The following ZNF423 variants were observed in gnomAD, a reference collection of about 807,000 sequenced individuals.
ZNF423 encodes the protein zinc finger protein 423.
ZNF423 carries 12 observed loss-of-function variants against 95.8 expected under a neutral mutation model. That is an observed-to-expected ratio of 0.13 (90% CI 0.08 to 0.20). ZNF423 has a LOEUF of 0.20. Ranked by LOEUF, ZNF423 falls within the 10% of genes least tolerant of loss-of-function variation. The pLI, the probability that ZNF423 is intolerant of heterozygous loss-of-function variation, is 1.00. For missense variants in ZNF423, 1,316 were observed against 1,737.1 expected, an observed-to-expected ratio of 0.76 and a Z score of 4.31; for synonymous variants, 749 against 711.9, an observed-to-expected ratio of 1.05 and a Z score of -0.83.
At chr16:49,562,539 A>C (rs1017573678) in intron 5 of ZNF423, among the ~76,000 whole-genome samples, 7 of 152,206 alleles carry the variant, frequency 4.6e-5, no homozygotes, top group African/African-American at 1.7e-4. Context: ...AACCAACAAA[A>C]AAGTACAGTC....
intron 3 of ZNF423, among the ~76,000 whole-genome samples, chr16:49,693,836 G>A (rs1349195598): frequency 1.3e-5 from 2 of 152,158 alleles, no homozygotes; most frequent in African/African-American, 4.8e-5. Context: ...CTAGAGAGAT[G>A]AACTCCTAAG....
intron 3 of ZNF423, among the ~76,000 whole-genome samples, chr16:49,704,964 C>T (rs766987): frequency 6.6e-6 from 1 of 152,220 alleles, no homozygotes; most frequent in Non-Finnish European, 1.5e-5. Flanking sequence ...GCCAACACTG[C>T]CACCTCCAGG....
intron 2 of ZNF423, among the ~76,000 whole-genome samples, chr16:49,775,127 G>A (rs569732121): frequency 1.1e-3 from 174 of 152,266 alleles, no homozygotes; most frequent in Admixed American, 2.2e-3. Context: ...ACTGAGGCAC[G>A]GAGCATTTTT....
chr16:49,661,217 CAAAAA>C (rs397959711), intron 3 of ZNF423, among the ~76,000 whole-genome samples: 2 of 97,798 alleles, frequency 2.0e-5, no homozygotes, highest in African/African-American at 3.4e-5. Flanking sequence ...GACTTCATCT[CAAAAA>C]AAAAAAAAAA....
intron 3 of ZNF423, among the ~76,000 whole-genome samples, chr16:49,681,291 C>T (rs1490499835): frequency 2.6e-5 from 4 of 152,194 alleles, no homozygotes; most frequent in Admixed American, 2.6e-4. Flanking sequence ...AAAATAAAAT[C>T]CAACAGCATC....
intron 2 of ZNF423, among the ~76,000 whole-genome samples, chr16:49,739,866 T>A (rs1376845718): frequency 6.7e-6 from 1 of 149,346 alleles, no homozygotes. Context: ...CCAGGTAATT[T>A]TTTTTCCCCC....
rs955336964 is a variant in ZNF423, at chr16:49,635,827, G to T, written c.3349C>A (p.Pro1117Thr). The T allele has an allele frequency of 1.2e-6, 2 of 1,607,388 alleles. No homozygotes were observed. Among genetic ancestry groups the T allele is most frequent in the African/African-American group, 2.7e-5 (2 of 74,792 alleles). ...SANGQVGGLA[P>T]PEPADRPCAG... ...CAGGGCCGGTCGGCGGGCTCGGGCG[G>T]GGCCAGGCCACCCACCTGTCCGTTG... The change falls in exon 4 of 8, where the codon CCG (proline) becomes ACG (threonine). Residue 1117 changes from proline to threonine, a missense_variant. By Grantham distance (38) the Pro-to-Thr change is conservative. Coordinates refer to ENST00000563137, the MANE Select transcript of ZNF423 (RefSeq NM_001379286.1). The surrounding 1 kb of genome is among the most constrained non-coding windows in gnomAD (Gnocchi z 4.8).
chr16:49,641,577 G>A lies in ZNF423; in HGVS notation c.302-2703C>T, dbSNP rs577700277. Among the ~76,000 whole-genome samples the A allele has an allele frequency of 3.3e-4, 51 of 152,296 alleles. No individual in the cohort carries two copies. In the South Asian group the frequency reaches 9.3e-3, roughly 28 times the overall value. On this transcript the variant is annotated intron_variant, in intron 3 of 7. Coordinates refer to ENST00000563137, the MANE Select transcript of ZNF423 (RefSeq NM_001379286.1). The stretch of plus-strand genomic sequence containing the variant: ...CAAGCCTGAACAGATATTTCTGCCA[G>A]GGTTCATTTGCTCCTAAACCTTTCA...
chr16:49,741,258 G>A (rs1158031433), intron 2 of ZNF423, among the ~76,000 whole-genome samples: 1 of 151,938 alleles, frequency 6.6e-6, no homozygotes, highest in African/African-American at 2.4e-5. Flanking sequence ...ACTTTGGGGG[G>A]CCAAGGCGGG....
chr16:49,568,722 C>A (rs1250620065), intron 5 of ZNF423, among the ~76,000 whole-genome samples: 1 of 152,138 alleles, frequency 6.6e-6, no homozygotes, highest in African/African-American at 2.4e-5. Flanking sequence ...CCCAATCTCT[C>A]CCACACCCAT....
chr16:49,839,366 G>A (rs2035158648), intron 1 of ZNF423, among the ~76,000 whole-genome samples: 2 of 152,134 alleles, frequency 1.3e-5, no homozygotes, highest in South Asian at 2.1e-4. Context: ...GAGGTAACGG[G>A]CTGTGGGAGC....
At chr16:49,542,067 T>C (rs552634592) in intron 5 of ZNF423, among the ~76,000 whole-genome samples, 3 of 152,334 alleles carry the variant, frequency 2.0e-5, no homozygotes, top group African/African-American at 7.2e-5. Flanking sequence ...TAGGTCTCTC[T>C]ATCTATAACT....
chr16:49,755,584 A>T (rs2033712154), intron 2 of ZNF423, among the ~76,000 whole-genome samples: 1 of 152,174 alleles, frequency 6.6e-6, no homozygotes. Flanking sequence ...GTTGAGTTGG[A>T]GAGAAATTAG....
chr16:49,491,198 G>T lies in ZNF423; in HGVS notation c.*77C>A. ...TGGGTTGCAAATGACACTTTGATTG[G>T]ATGTAATGTTCAAATGGCCCTCCCC... On this transcript the variant is annotated 3_prime_UTR_variant, in exon 8 of 8. Transcript: ENST00000563137. 6.4e-7 allele frequency: 1 copy of T among 1,570,498 alleles called. No individual in the cohort carries two copies.
chr16:49,626,370 T>C (rs1972272059), intron 4 of ZNF423, 116 bp from the exon 5 acceptor site: 1 of 859,328 alleles, frequency 1.2e-6, no homozygotes, highest in Non-Finnish European at 1.9e-6. Flanking sequence ...AGTCCCCTCC[T>C]AGGTCTCCCC....
intron 2 of ZNF423, among the ~76,000 whole-genome samples, chr16:49,741,570 C>G (rs2033415554): frequency 6.6e-6 from 1 of 152,048 alleles, no homozygotes; most frequent in South Asian, 2.1e-4. Context: ...TGGATGATTT[C>G]TAAATGTTGA....
At chr16:49,536,308 C>G (rs1016938992) in intron 5 of ZNF423, among the ~76,000 whole-genome samples, 3 of 151,900 alleles carry the variant, frequency 2.0e-5, no homozygotes. Context: ...CACCCTCCAG[C>G]TGAAAAAAAT....
At chr16:49,590,352 C>T (rs1015288227) in intron 5 of ZNF423, among the ~76,000 whole-genome samples, 2 of 152,184 alleles carry the variant, frequency 1.3e-5, no homozygotes, top group South Asian at 2.1e-4. Flanking sequence ...TTCCCAGCCC[C>T]GGCTCACACC....
chr16:49,545,349 G>T (rs1234552696), intron 5 of ZNF423, among the ~76,000 whole-genome samples: 6 of 152,190 alleles, frequency 3.9e-5, no homozygotes, highest in Admixed American at 1.3e-4. Flanking sequence ...TGTTGGACAG[G>T]ATAATGGGGA....
Sources: gnomAD v4.1 joint callset for allele counts (sites outside exome capture counted in the v4.1 genomes callset) on GRCh38, gnomAD v4.1.1 for gene constraint, Gnocchi (gnomAD v3.1) non-coding constraint, MANE v1.5 for transcripts, NCBI Gene and HGNC (gene_info 2026-07-23, HGNC 2026-07-21) for gene names.